The following PKHD1 variants were observed in gnomAD, a reference collection of about 807,000 sequenced individuals.
The protein encoded by PKHD1 is PKHD1 ciliary IPT domain containing fibrocystin/polyductin.
In PKHD1, 291 loss-of-function variants were observed where a neutral mutation model predicts 412.0. That is an observed-to-expected ratio of 0.71 (90% CI 0.64 to 0.78). PKHD1 has a LOEUF of 0.78. Ranked by LOEUF, PKHD1 falls within the 30% of genes least tolerant of loss-of-function variation. The probability of loss-of-function intolerance (pLI) is 0.00; values close to 1 mark genes in which losing one functional copy is unlikely to be tolerated. For synonymous variants in PKHD1, 1,777 were observed against 1,821.5 expected (o/e 0.98, Z 0.62); for missense variants, 4,825 against 4,950.7 (o/e 0.97, Z 0.76).
In PKHD1 at chr6:51,738,667, T is replaced by C. The variant is rs151136094; in HGVS notation, c.10156+5718A>G. Among the ~76,000 whole-genome samples, 130 of 152,228 alleles carry C rather than the reference T, an allele frequency of 8.5e-4. 3 individuals are homozygous for C. The East Asian group carries it at 0.025, about 29-fold the overall frequency. On this transcript the variant is annotated intron_variant, in intron 60 of 66. Coordinates refer to ENST00000371117, the MANE Select transcript of PKHD1 (RefSeq NM_138694.4). ...ATAAATTGAAATAAAATCCAAACCT[T>C]TTACTCTGGCCAAGAAAGAGGCTGG...
intron 60 of PKHD1, among the ~76,000 whole-genome samples, chr6:51,709,018 C>A (rs527957047): frequency 6.6e-6 from 1 of 152,318 alleles, no homozygotes; most frequent in East Asian, 1.9e-4. Context: ...TACTATCTGA[C>A]CCTTTTCAGA....
chr6:51,873,436 T>C (rs1220555506), intron 46 of PKHD1, among the ~76,000 whole-genome samples: 2 of 152,162 alleles, frequency 1.3e-5, no homozygotes, highest in Non-Finnish European at 2.9e-5. Flanking sequence ...GTTCATTTAT[T>C]TATTATTAGT....
At position 51,617,785 on chromosome 6, in the gene PKHD1, G is replaced by T. The variant is rs1347970097; in HGVS notation, c.*1296C>A. The T allele has an allele frequency of 6.6e-6, 1 of 152,124 alleles. No individual in the cohort carries two copies. The allele number at this position is 152,124 out of a possible 1,614,324, so 9.4% of individuals were successfully genotyped here. On this transcript the variant is annotated 3_prime_UTR_variant, in exon 67 of 67. Coordinates refer to ENST00000371117, the MANE Select transcript of PKHD1 (RefSeq NM_138694.4). ...GTACTTCTCATAGAACTAATTCAGGGCATCATTATTTAGAATTCAGCAATG... is the reference window on the plus strand; with the variant it reads ...GTACTTCTCATAGAACTAATTCAGGTCATCATTATTTAGAATTCAGCAATG...
At chr6:51,808,602 G>A (rs184976523) in intron 52 of PKHD1, among the ~76,000 whole-genome samples, 10 of 152,164 alleles carry the variant, frequency 6.6e-5, no homozygotes, top group Non-Finnish European at 1.5e-5. Context: ...CTGCTGACAG[G>A]AATATAAGAA....
chr6:52,023,505 T>C (rs1801708844), intron 32 of PKHD1, among the ~76,000 whole-genome samples: 1 of 152,212 alleles, frequency 6.6e-6, no homozygotes, highest in South Asian at 2.1e-4. Context: ...TATTTGACAA[T>C]TTTCCTATTT....
In PKHD1 at chr6:51,920,407, G is replaced by A. The variant is rs369775147; in HGVS notation, c.6122-7831C>T. On this transcript the variant is annotated intron_variant, in intron 37 of 66. Transcript: ENST00000371117. Reference sequence around the variant, plus strand: ...ATCATGTGGTTTTTGTCTTTGGTTCGGTTTATATGCTGGATTACATTTATT... The same window carrying A: ...ATCATGTGGTTTTTGTCTTTGGTTCAGTTTATATGCTGGATTACATTTATT... 5.3e-3 allele frequency among the ~76,000 whole-genome samples: 805 copies of A among 152,042 alleles called. 8 individuals are homozygous for A. The highest frequency in any genetic ancestry group is 0.018 in the African/African-American group (744 of 41,502).
At chr6:51,855,867 A>G (rs1163394240) in intron 49 of PKHD1, 26 bp downstream of exon 49, 2 of 1,549,262 alleles carry the variant, frequency 1.3e-6, no homozygotes, top group East Asian at 2.2e-5. Context: ...AATGCAGCAT[A>G]CCAACTAATG....
intron 60 of PKHD1, among the ~76,000 whole-genome samples, chr6:51,666,130 T>A (rs565105452): frequency 2.1e-4 from 31 of 148,076 alleles, no homozygotes; most frequent in Admixed American, 2.0e-4. Context: ...TCAGTCTTTC[T>A]GTTACTTTAG....
chr6:51,680,711 CTTTAT>C (rs1776533951), intron 60 of PKHD1, among the ~76,000 whole-genome samples: 1 of 151,998 alleles, frequency 6.6e-6, no homozygotes, highest in Non-Finnish European at 1.5e-5. Context: ...TTCCCAGTGT[CTTTAT>C]TTTAATTAAA....
chr6:51,860,608 G>T (rs1221084766), intron 48 of PKHD1, among the ~76,000 whole-genome samples: 2 of 152,164 alleles, frequency 1.3e-5, no homozygotes, highest in Non-Finnish European at 2.9e-5. Flanking sequence ...AGGGGAAGAA[G>T]TCTCTCCCTG....
intron 35 of PKHD1, among the ~76,000 whole-genome samples, chr6:51,983,050 T>C (rs1003959755): frequency 2.0e-5 from 3 of 151,938 alleles, no homozygotes; most frequent in African/African-American, 2.4e-5. Context: ...CAGTGAAGTG[T>C]ACCGTTAACA....
chr6:51,788,388 GATGTGGCTGACCTATGTGTACTGCATC>G, intron 53 of PKHD1, among the ~76,000 whole-genome samples: 1 of 151,546 alleles, frequency 6.6e-6, no homozygotes, highest in East Asian at 2.0e-4. Flanking sequence ...AGTGCCCCAG[GATGTGGCTGACCTATGTGTACTGCATC>G]AAGGAGTTCT....
At chr6:51,749,670 G>C (rs1785767172) in intron 57 of PKHD1, among the ~76,000 whole-genome samples, 1 of 152,104 alleles carries the variant, frequency 6.6e-6, no homozygotes, top group Non-Finnish European at 1.5e-5. Flanking sequence ...CCATTTTACA[G>C]ATAAGGAAAT....
chr6:51,726,678 C>G (rs1026085608), intron 60 of PKHD1, among the ~76,000 whole-genome samples: 22 of 152,148 alleles, frequency 1.4e-4, no homozygotes, highest in African/African-American at 5.3e-4. Flanking sequence ...TCCACACTTC[C>G]ACAGTACCTC....
chr6:51,970,030 G>T (rs1265721897), intron 35 of PKHD1, among the ~76,000 whole-genome samples: 3 of 152,174 alleles, frequency 2.0e-5, no homozygotes, highest in East Asian at 3.9e-4. Context: ...TTCCATAATG[G>T]TTCTACTAAT....
chr6:51,627,107 G>T lies in PKHD1; in HGVS notation c.11675C>A (p.Pro3892His), dbSNP rs1370922325. 6.2e-7 allele frequency: 1 copy of T among 1,611,626 alleles called. No homozygotes were observed. Among genetic ancestry groups the T allele is most frequent in the Non-Finnish European group, 8.5e-7 (1 of 1,178,016 alleles). ...AGTCTGGGATTCAGGAATCTCTTCA[G>T]GTTTTGTTTCTGTATTAATGGAGAA... ...LKRSKSRKTK[P>H]EEIPESQTNN... The change falls in exon 66 of 67, where the codon CCT (proline) becomes CAT (histidine). Residue 3892 changes from proline to histidine, a missense_variant. Transcript: ENST00000371117.
At chr6:51,885,318 T>G (rs1183813059) in intron 45 of PKHD1, among the ~76,000 whole-genome samples, 1 of 152,214 alleles carries the variant, frequency 6.6e-6, no homozygotes, top group African/African-American at 2.4e-5. Flanking sequence ...AAATTTAGCT[T>G]ATTTCTTCTA....
intron 55 of PKHD1, among the ~76,000 whole-genome samples, chr6:51,763,508 T>A (rs1582536244): frequency 6.6e-6 from 1 of 152,116 alleles, no homozygotes; most frequent in East Asian, 1.9e-4. Context: ...TAATTATAAT[T>A]AAAGTTTCTT....
At chr6:51,831,335 T>C (rs532056219) in intron 51 of PKHD1, among the ~76,000 whole-genome samples, 85 of 152,328 alleles carry the variant, frequency 5.6e-4, no homozygotes, top group African/African-American at 2.0e-3. Context: ...TCTGTTTCCT[T>C]CCAGAATTTC....
Sources: allele counts gnomAD v4.1 joint callset (sites outside exome capture counted in the v4.1 genomes callset), GRCh38; gene constraint gnomAD v4.1.1; transcripts MANE v1.5; gene names NCBI Gene and HGNC (gene_info 2026-07-23, HGNC 2026-07-21).